PPP2R5E: variants seen among roughly 807,000 people sequenced by gnomAD.
PPP2R5E encodes the protein protein phosphatase 2 regulatory subunit B'epsilon, also known as serine/threonine-protein phosphatase 2A 56 kDa regulatory subunit epsilon isoform.
A neutral mutation model predicts 65.3 loss-of-function variants in PPP2R5E; 4 were observed. The observed-to-expected ratio is 0.06, with a 90% confidence interval of 0.03 to 0.14. PPP2R5E has a LOEUF of 0.14. Ranked by LOEUF, PPP2R5E falls within the 10% of genes least tolerant of loss-of-function variation. The pLI, the probability that PPP2R5E is intolerant of heterozygous loss-of-function variation, is 1.00. For missense variants in PPP2R5E, 274 were observed against 556.1 expected (o/e 0.49, Z 5.10); for synonymous variants, 183 against 187.4 (o/e 0.98, Z 0.19).
chr14:63,525,170 A>T (rs1253281900), intron 2 of PPP2R5E, among the ~76,000 whole-genome samples: 1 of 152,210 alleles, frequency 6.6e-6, no homozygotes, highest in Non-Finnish European at 1.5e-5. Flanking sequence ...AAACCAACAG[A>T]CATCTCTTCT....
chr14:63,419,677 CT>C (rs1222759722), intron 4 of PPP2R5E, among the ~76,000 whole-genome samples: 2 of 151,912 alleles, frequency 1.3e-5, no homozygotes, highest in African/African-American at 4.8e-5. Context: ...CTAAACTTTA[CT>C]ATGAATGAAG....
chr14:63,391,384 G>A (rs1885010676), intron 10 of PPP2R5E, among the ~76,000 whole-genome samples: 1 of 149,392 alleles, frequency 6.7e-6, no homozygotes, highest in Non-Finnish European at 1.5e-5. Flanking sequence ...AGGTTTAAAT[G>A]AGATGATGCA....
chr14:63,412,686 T>G (rs1311129492), intron 5 of PPP2R5E, among the ~76,000 whole-genome samples: 1 of 152,186 alleles, frequency 6.6e-6, no homozygotes, highest in Non-Finnish European at 1.5e-5. Flanking sequence ...CCAGAAAACT[T>G]CACAGAAGAA....
rs1304971188 is a variant in PPP2R5E at position 63,374,868 on chromosome 14, A to C, written c.*1141T>G. ...GTTAGGAATATGCATCCAATTCAGA[A>C]TGCATAATAATGTTTATCCTGAATC... On this transcript the variant is annotated 3_prime_UTR_variant, in exon 14 of 14. Coordinates refer to ENST00000337537, the MANE Select transcript of PPP2R5E (RefSeq NM_006246.5). 1 of 152,316 alleles carries C rather than the reference A, an allele frequency of 6.6e-6. No individual in the cohort carries two copies. The highest frequency in any genetic ancestry group is 1.5e-5 in the Non-Finnish European group (1 of 67,934). 9.4% of individuals were successfully genotyped at this position (152,316 alleles called of 1,614,324 possible). A position where few individuals can be genotyped will look rare whatever the true frequency, so the allele number is the denominator to read the frequency against.
intron 2 of PPP2R5E, among the ~76,000 whole-genome samples, chr14:63,488,114 A>T (rs900240963): frequency 6.6e-6 from 1 of 152,058 alleles, no homozygotes; most frequent in Non-Finnish European, 1.5e-5. Context: ...CCACACACCT[A>T]CTTAGGACAA....
chr14:63,384,406 G>C (rs1440159553), intron 12 of PPP2R5E, 38 bp downstream of exon 12: 1 of 1,588,012 alleles, frequency 6.3e-7, no homozygotes, highest in South Asian at 1.1e-5. Context: ...AAGAGAGGAA[G>C]GGAGGAAGAG....
chr14:63,382,814 G>C (rs2139748948), intron 12 of PPP2R5E, among the ~76,000 whole-genome samples: 1 of 152,292 alleles, frequency 6.6e-6, no homozygotes, highest in Non-Finnish European at 1.5e-5. Context: ...ATAAGGATCT[G>C]TGATAGCACT....
At chr14:63,500,436 A>G (rs1444731927) in intron 2 of PPP2R5E, among the ~76,000 whole-genome samples, 1 of 152,232 alleles carries the variant, frequency 6.6e-6, no homozygotes, top group African/African-American at 2.4e-5. Flanking sequence ...AATCGTTTAC[A>G]TTGACTAAAT....
chr14:63,501,783 A>G (rs562729720), intron 2 of PPP2R5E, among the ~76,000 whole-genome samples: 122 of 152,360 alleles, frequency 8.0e-4, no homozygotes, highest in Non-Finnish European at 1.2e-3. Flanking sequence ...AACCATACTC[A>G]GCAATAAAAA....
chr14:63,403,332 G>A (rs1885868223), intron 5 of PPP2R5E, among the ~76,000 whole-genome samples: 1 of 145,700 alleles, frequency 6.9e-6, no homozygotes, highest in Admixed American at 7.1e-5. Flanking sequence ...AAGTTGCAGT[G>A]AGCCAAGATC....
intron 2 of PPP2R5E, among the ~76,000 whole-genome samples, chr14:63,528,255 C>T (rs1210672149): frequency 6.6e-6 from 1 of 152,100 alleles, no homozygotes; most frequent in Non-Finnish European, 1.5e-5. Flanking sequence ...GTAAGTTTTA[C>T]AAATCAGAGA....
chr14:63,477,992 A>T (rs913452892), intron 2 of PPP2R5E, among the ~76,000 whole-genome samples: 20 of 152,170 alleles, frequency 1.3e-4, no homozygotes, highest in African/African-American at 4.8e-4. Flanking sequence ...AGATCCTTCA[A>T]ATATTCACTT....
intron 10 of PPP2R5E, among the ~76,000 whole-genome samples, chr14:63,390,943 G>A (rs945307866): frequency 6.6e-6 from 1 of 152,178 alleles, no homozygotes; most frequent in Admixed American, 6.5e-5. Context: ...TGAATTCTCA[G>A]CAAAGGTACA....
chr14:63,519,000 T>C (rs907563558), intron 2 of PPP2R5E, among the ~76,000 whole-genome samples: 1 of 152,140 alleles, frequency 6.6e-6, no homozygotes, highest in Non-Finnish European at 1.5e-5. Context: ...AGGCAGATCA[T>C]CTGAGGTCGG....
intron 2 of PPP2R5E, among the ~76,000 whole-genome samples, chr14:63,468,587 T>G (rs1209198619): frequency 6.6e-6 from 1 of 152,196 alleles, no homozygotes; most frequent in African/African-American, 2.4e-5. Flanking sequence ...TTATGAAGAC[T>G]GCAACAATCT....
intron 5 of PPP2R5E, among the ~76,000 whole-genome samples, chr14:63,400,127 AT>A (rs1885662714): frequency 6.6e-6 from 1 of 152,194 alleles, no homozygotes; most frequent in Non-Finnish European, 1.5e-5. Flanking sequence ...TCATCTGTTC[AT>A]TTTAAAAATG....
At chr14:63,494,621 A>T (rs1264561899) in intron 2 of PPP2R5E, among the ~76,000 whole-genome samples, 1 of 152,010 alleles carries the variant, frequency 6.6e-6, no homozygotes, top group Non-Finnish European at 1.5e-5. Flanking sequence ...AGAGGCCAAC[A>T]TGGTGGATCA....
chr14:63,522,964 G>A (rs1156296643), intron 2 of PPP2R5E, among the ~76,000 whole-genome samples: 1 of 143,678 alleles, frequency 7.0e-6, no homozygotes, highest in East Asian at 2.1e-4. Flanking sequence ...AGGTGGGGGG[G>A]TCAGCCCCCT....
At chr14:63,488,682 C>T (rs1054319711) in intron 2 of PPP2R5E, among the ~76,000 whole-genome samples, 2 of 151,902 alleles carry the variant, frequency 1.3e-5, no homozygotes, top group African/African-American at 4.8e-5. Flanking sequence ...AACCCCATCT[C>T]TACTAAAAAT....
Sources: gnomAD v4.1 joint callset for allele counts (sites outside exome capture counted in the v4.1 genomes callset) on GRCh38, gnomAD v4.1.1 for gene constraint, MANE v1.5 for transcripts, NCBI Gene and HGNC (gene_info 2026-07-23, HGNC 2026-07-21) for gene names.